Variants in RBFOX3 observed in about 807,000 individuals in gnomAD.
RBFOX3 encodes the protein RNA binding protein fox-1 homolog 3.
RBFOX3 carries 17 observed loss-of-function variants against 48.7 expected under a neutral mutation model. The ratio of observed to expected loss-of-function variants is 0.35; its 90% CI spans 0.24 to 0.52. The LOEUF is 0.52. Ranked by LOEUF, RBFOX3 falls within the 20% of genes least tolerant of loss-of-function variation. The pLI is 0.94. For synonymous variants in RBFOX3, 212 were observed against 209.5 expected, an observed-to-expected ratio of 1.01 and a Z score of -0.10; for missense variants, 382 against 497.5, an observed-to-expected ratio of 0.77 and a Z score of 2.21.
chr17:79,407,288 G>T (rs1437139940), intron 2 of RBFOX3, among the ~76,000 whole-genome samples: 1 of 152,384 alleles, frequency 6.6e-6, no homozygotes, highest in East Asian at 1.9e-4. Flanking sequence ...GATTACAGGC[G>T]TGAGCCACCT....
intron 2 of RBFOX3, among the ~76,000 whole-genome samples, chr17:79,320,992 T>C (rs892201524): frequency 6.6e-6 from 1 of 152,198 alleles, no homozygotes; most frequent in Non-Finnish European, 1.5e-5. Flanking sequence ...ATGTAACTGG[T>C]GGTTCCACCT....
Position 79,482,842 on chromosome 17 carries a change from C to T in RBFOX3, c.-319-244G>A, listed in dbSNP as rs1410979836. ...CATTAGGACCCTATTGCCAAACAGCCACCGTGCAGTCCATCCCAGGGTCCG... is the reference window on the plus strand; with the variant it reads ...CATTAGGACCCTATTGCCAAACAGCTACCGTGCAGTCCATCCCAGGGTCCG... On this transcript the variant is annotated intron_variant, in intron 1 of 14. Coordinates refer to ENST00000693108, the MANE Select transcript of RBFOX3 (RefSeq NM_001350451.2). This position sits in a 1 kb window ranked among gnomAD's most constrained non-coding sequence, Gnocchi z 4.1. 6.6e-6 allele frequency among the ~76,000 whole-genome samples: 1 copy of T among 151,972 alleles called. No individual in the cohort carries two copies. The highest frequency in any genetic ancestry group is 1.5e-5 in the Non-Finnish European group (1 of 67,984).
Position 79,214,953 on chromosome 17 carries a change from G to C in RBFOX3, c.-34+20813C>G, listed in dbSNP as rs142150412. Among the ~76,000 whole-genome samples the C allele has an allele frequency of 0.01, 1,570 of 152,064 alleles. 27 individuals carry two copies. Among genetic ancestry groups the C allele is most frequent in the African/African-American group, 0.036 (1,477 of 41,458 alleles). ...CGTTCTGCCTTGGCATCTTCGCCTG[G>C]TGCCGGTCAATTATGAAGCCACCCG... On this transcript the variant is annotated intron_variant, in intron 4 of 14. Transcript: ENST00000693108. The surrounding 1 kb of genome is among the most constrained non-coding windows in gnomAD (Gnocchi z 4.7).
At chr17:79,174,370 C>T (rs1256284697) in intron 4 of RBFOX3, among the ~76,000 whole-genome samples, 7 of 151,460 alleles carry the variant, frequency 4.6e-5, no homozygotes, top group Non-Finnish European at 1.0e-4. Context: ...CAGACACATG[C>T]GCACACACAC....
intron 2 of RBFOX3, among the ~76,000 whole-genome samples, chr17:79,376,530 T>C (rs1176641752): frequency 6.6e-6 from 1 of 152,178 alleles, no homozygotes; most frequent in African/African-American, 2.4e-5. Context: ...GCTGAATTCT[T>C]TTTCAAAATA....
chr17:79,634,077 C>A, the RBFOX3 span, among the ~76,000 whole-genome samples: 1 of 152,228 alleles, frequency 6.6e-6, no homozygotes, highest in Non-Finnish European at 1.5e-5. Context: ...ATCTGCCTTG[C>A]CCGGCATTGG....
upstream of RBFOX3, among the ~76,000 whole-genome samples, chr17:79,611,174 C>CTCT (rs1568454632): frequency 1.8e-3 from 29 of 16,426 alleles, no homozygotes; most frequent in East Asian, 4.3e-3. Context: ...CTCTCTCTCT[C>CTCT]CGCCCTCCTT....
At chr17:79,620,352 CGG>C in the RBFOX3 span, among the ~76,000 whole-genome samples, 1 of 150,424 alleles carries the variant, frequency 6.6e-6, no homozygotes, top group African/African-American at 2.4e-5. Flanking sequence ...TGCACACACA[CGG>C]ACATGGACAC....
chr17:79,579,742 A>AGTCACTGGCGCCGTGGTGGGGGT (rs1599207300), intron 1 of RBFOX3, among the ~76,000 whole-genome samples: 3 of 100,528 alleles, frequency 3.0e-5, no homozygotes, highest in Non-Finnish European at 6.2e-5. Flanking sequence ...CGTGGTGGGG[A>AGTCACTGGCGCCGTGGTGGGGGT]GTCACTGGCG....
intron 2 of RBFOX3, among the ~76,000 whole-genome samples, chr17:79,374,114 C>T (rs1385475375): frequency 6.6e-6 from 1 of 152,188 alleles, no homozygotes; most frequent in Non-Finnish European, 1.5e-5. Context: ...CCACCTGCCT[C>T]GGCCTCCCAA....
At chr17:79,659,646 T>A in the RBFOX3 span, among the ~76,000 whole-genome samples, 1 of 152,180 alleles carries the variant, frequency 6.6e-6, no homozygotes, top group Non-Finnish European at 1.5e-5. Context: ...CAGAGACTGA[T>A]CCAGTGATTC....
In RBFOX3 at chr17:79,390,684, CCA is replaced by C. The variant is rs1289506470; in HGVS notation, c.-174-82862_-174-82861del. 2.0e-5 allele frequency among the ~76,000 whole-genome samples: 3 copies of C among 152,294 alleles called. No homozygotes were observed. Among genetic ancestry groups the C allele is most frequent in the Admixed American group, 2.0e-4 (3 of 15,288 alleles). On this transcript the variant is annotated intron_variant, in intron 2 of 14. Coordinates refer to ENST00000693108, the MANE Select transcript of RBFOX3 (RefSeq NM_001350451.2). This position sits in a 1 kb window ranked among gnomAD's most constrained non-coding sequence, Gnocchi z 4.2. ...TAGAGACAGGGTTTCGCCATGTTGG[CCA>C]GGCTGGTCTCGAACTCCTTATCTCA...
At chr17:79,607,268 A>G (rs1036281137) in intron 1 of RBFOX3, among the ~76,000 whole-genome samples, 8 of 152,074 alleles carry the variant, frequency 5.3e-5, no homozygotes, top group African/African-American at 1.9e-4. Flanking sequence ...CTTGTTTAAA[A>G]ATAAAAAATT....
chr17:79,501,218 G>T lies in RBFOX3; in HGVS notation c.-319-18620C>A, dbSNP rs974778143. 6.6e-3 allele frequency among the ~76,000 whole-genome samples: 1,001 copies of T among 152,332 alleles called. 9 individuals carry two copies. Among genetic ancestry groups the T allele is most frequent in the African/African-American group, 0.022 (926 of 41,582 alleles). ...GCCGCTAAATGCTCAAGAGTAATGA[G>T]GTTGGTTGAGCAATACGCTCCAGCC... On this transcript the variant is annotated intron_variant, in intron 1 of 14. Transcript: ENST00000693108.
Position 79,252,509 on chromosome 17 carries a change from C to T in RBFOX3, c.-73-16704G>A, listed in dbSNP as rs550552288. 3.3e-5 allele frequency among the ~76,000 whole-genome samples: 5 copies of T among 152,202 alleles called. No homozygotes were observed. The highest frequency in any genetic ancestry group is 1.3e-4 in the Admixed American group (2 of 15,304). The stretch of plus-strand genomic sequence containing the variant: ...GACTGTCAGTTTGACCCAAGGAGTT[C>T]GGGGGCCTCTAGAGGCTGGAACAGG... On this transcript the variant is annotated intron_variant, in intron 3 of 14. Coordinates refer to ENST00000693108, the MANE Select transcript of RBFOX3 (RefSeq NM_001350451.2). The surrounding 1 kb of genome is among the most constrained non-coding windows in gnomAD (Gnocchi z 4.0).
chr17:79,315,085 A>G (rs116959190), intron 2 of RBFOX3, among the ~76,000 whole-genome samples: 310 of 152,316 alleles, frequency 2.0e-3, no homozygotes, highest in Non-Finnish European at 3.7e-3. Context: ...CTGATTATAC[A>G]TGCGTGACAC....
At chr17:79,360,485 G>C (rs1269686636) in intron 2 of RBFOX3, among the ~76,000 whole-genome samples, 1 of 152,196 alleles carries the variant, frequency 6.6e-6, no homozygotes, top group African/African-American at 2.4e-5. Flanking sequence ...CCCGCGCTCA[G>C]CAGGGACGTG....
intron 2 of RBFOX3, among the ~76,000 whole-genome samples, chr17:79,402,535 G>C (rs1022356235): frequency 6.6e-6 from 1 of 152,208 alleles, no homozygotes. Flanking sequence ...TGGAGTGAGC[G>C]CAGGGGGCCC....
At chr17:79,615,355 T>C (rs1254315486), upstream of RBFOX3, among the ~76,000 whole-genome samples, 1 of 151,010 alleles carries the variant, frequency 6.6e-6, no homozygotes, top group East Asian at 1.9e-4. Context: ...GTGTAAAGCA[T>C]GAAAGAGGGC....
Sources: gnomAD v4.1 joint callset for allele counts (sites outside exome capture counted in the v4.1 genomes callset) on GRCh38, gnomAD v4.1.1 for gene constraint, Gnocchi (gnomAD v3.1) non-coding constraint, MANE v1.5 for transcripts, NCBI Gene and HGNC (gene_info 2026-07-23, HGNC 2026-07-21) for gene names.